The following LTBP1 variants were observed in gnomAD, a reference collection of about 807,000 sequenced individuals.
LTBP1 encodes latent transforming growth factor beta binding protein 1, also known as latent-transforming growth factor beta-binding protein 1.
A neutral mutation model predicts 207.6 loss-of-function variants in LTBP1; 129 were observed. The observed-to-expected ratio is 0.62, with a 90% CI of 0.54 to 0.72. The LOEUF is 0.72. LTBP1 is among the 30% of genes least tolerant of loss of function. LTBP1 has a pLI of 0.00. For missense variants in LTBP1, 2,281 were observed against 2,217.2 expected (o/e 1.03, Z -0.58); for synonymous variants, 963 against 833.7 (o/e 1.16, Z -2.67).
At chr2:33,283,497 C>T (rs962459949) in intron 19 of LTBP1, among the ~76,000 whole-genome samples, 5 of 133,246 alleles carry the variant, frequency 3.8e-5, no homozygotes, top group Admixed American at 8.9e-5. Context: ...AGTGGAGTGG[C>T]GCCATCTCAG....
intron 5 of LTBP1, among the ~76,000 whole-genome samples, chr2:33,145,784 G>A (rs1182941957): frequency 6.6e-6 from 1 of 152,090 alleles, no homozygotes; most frequent in Non-Finnish European, 1.5e-5. Context: ...GTAAATAGAT[G>A]AATAAGTATT....
Position 32,947,585 on chromosome 2 carries a change from G to T in LTBP1, c.261G>T (p.Thr87=), listed in dbSNP as rs1676376255. The T allele has an allele frequency of 6.8e-6, 9 of 1,316,084 alleles. No individual in the cohort carries two copies. The highest frequency in any genetic ancestry group is 1.6e-5 in the African/African-American group (1 of 64,186). The allele number at this position is 1,316,084 out of a possible 1,614,324, so 81.5% of individuals were successfully genotyped here. A position where few individuals can be genotyped will look rare whatever the true frequency, so the allele number is the denominator to read the frequency against. Residue 87 remains threonine (T), a synonymous_variant, in exon 1 of 34, where the codon ACG becomes ACT. Coordinates refer to ENST00000404816, the MANE Select transcript of LTBP1 (RefSeq NM_206943.4). ...PGVPSERTRR[T]SKPGGAALQG... ...TCCCCTCGGAGAGGACCCGGCGCAC[G>T]AGCAAGCCGGGCGGCGCGGCCCTGC...
chr2:33,300,525 A>G lies in LTBP1; in HGVS notation c.3310A>G (p.Thr1104Ala), dbSNP rs74990388. 6.2e-7 allele frequency: 1 copy of G among 1,613,776 alleles called. No individual in the cohort carries two copies. Among genetic ancestry groups the G allele is most frequent in the East Asian group, 2.2e-5 (1 of 44,862 alleles). The change falls in exon 21 of 34, where the codon ACC becomes GCC. Residue 1104 changes from threonine (T) to alanine (A), a missense_variant. Physicochemically the swap from Thr to Ala is moderately conservative, Grantham distance 58 (BLOSUM62 0). This residue lies in a region of LTBP1 where 1,671 missense variants were observed against 1,634.8 expected (regional missense o/e 1.02). Transcript: ENST00000404816. ...CKNTEGSFRC[T>A]CGQGYQLSAA... ...AAATACCGAGGGCTCCTTCAGGTGC[A>G]CCTGTGGACAGGGGTACCAGCTGTC...
At chr2:33,248,521 A>G (rs929257379) in intron 10 of LTBP1, among the ~76,000 whole-genome samples, 6 of 152,010 alleles carry the variant, frequency 3.9e-5, no homozygotes, top group South Asian at 2.1e-4. Context: ...CTGCCACACT[A>G]TAGAATAGGT....
intron 3 of LTBP1, among the ~76,000 whole-genome samples, chr2:33,084,677 C>T (rs1446508719): frequency 6.6e-6 from 1 of 152,220 alleles, no homozygotes; most frequent in Admixed American, 6.5e-5. Context: ...ATAAAAAACT[C>T]CTGTGCGCAA....
chr2:33,130,625 T>G (rs2081725706), intron 4 of LTBP1, among the ~76,000 whole-genome samples: 1 of 152,142 alleles, frequency 6.6e-6, no homozygotes, highest in Admixed American at 6.5e-5. Context: ...TTCACTTCCA[T>G]CCCATTCACC....
intron 24 of LTBP1, among the ~76,000 whole-genome samples, chr2:33,334,285 A>G (rs2094530099): frequency 6.6e-6 from 1 of 152,256 alleles, no homozygotes; most frequent in African/African-American, 2.4e-5. Flanking sequence ...CACATGGACA[A>G]GCGCAGACAG....
At chr2:33,346,259 T>C (rs17012857) in intron 25 of LTBP1, among the ~76,000 whole-genome samples, 6,282 of 152,266 alleles carry the variant, frequency 0.041, 134 homozygotes, top group Non-Finnish European at 0.053. Flanking sequence ...CTGAATTCTA[T>C]TGATAATTAT....
At chr2:32,989,192 A>G (rs1684042197) in intron 2 of LTBP1, among the ~76,000 whole-genome samples, 1 of 152,254 alleles carries the variant, frequency 6.6e-6, no homozygotes, top group Non-Finnish European at 1.5e-5. Context: ...TGACTCAGAC[A>G]GATATAAAAT....
At chr2:32,962,955 C>A (rs940516707) in intron 2 of LTBP1, among the ~76,000 whole-genome samples, 1 of 152,248 alleles carries the variant, frequency 6.6e-6, no homozygotes, top group Non-Finnish European at 1.5e-5. Context: ...TAGCAGAACC[C>A]ATCTCCTCCT....
chr2:33,135,062 G>A (rs2082033541), intron 5 of LTBP1, 102 bp downstream of exon 5: 3 of 1,196,524 alleles, frequency 2.5e-6, no homozygotes, highest in South Asian at 1.6e-5. Flanking sequence ...TGCTTCAATG[G>A]GTGTCTGTCT....
rs1235763201 is a variant in LTBP1 at position 33,262,792 on chromosome 2, C to T, written c.2489C>T (p.Ser830Phe). Residue 830 changes from serine to phenylalanine, a missense_variant, in exon 14 of 34, where the codon TCC (serine) becomes TTC (phenylalanine). Coordinates refer to ENST00000404816, the MANE Select transcript of LTBP1 (RefSeq NM_206943.4). ...PGQPQLSPGI[S>F]TIHLHPQFPV... is the part of the protein sequence containing the mutation. ...CAACCCCAGCTGTCTCCAGGCATTT[C>T]CACTATTCATCTGCATCCACAGTTT... 6.2e-7 allele frequency: 1 copy of T among 1,606,496 alleles called. No individual in the cohort carries two copies.
At chr2:33,150,191 A>G (rs2083398117) in intron 5 of LTBP1, among the ~76,000 whole-genome samples, 4 of 152,200 alleles carry the variant, frequency 2.6e-5, no homozygotes, top group Admixed American at 2.6e-4. Flanking sequence ...ATAAAGTCAT[A>G]TAGCAGTCTT....
chr2:33,392,727 C>A (rs2095325607), intron 32 of LTBP1, among the ~76,000 whole-genome samples: 1 of 152,080 alleles, frequency 6.6e-6, no homozygotes, highest in Admixed American at 6.6e-5. Context: ...TCAAGTTTTA[C>A]TTTTTATGTT....
At position 33,329,398 on chromosome 2, in the gene LTBP1, AT is replaced by A. The variant is rs1228447900; in HGVS notation, c.3731-13436del. Among the ~76,000 whole-genome samples the A allele has an allele frequency of 3.9e-3, 587 of 152,332 alleles. 8 individuals carry two copies. The highest frequency in any genetic ancestry group is 0.013 in the African/African-American group (561 of 41,596). On this transcript the variant is annotated intron_variant, in intron 24 of 33. Coordinates refer to ENST00000404816, the MANE Select transcript of LTBP1 (RefSeq NM_206943.4). Reference sequence around the variant, plus strand: ...AACTTCAGGTGAACTCAAGTTGTTAATTTTAATGAAGTCCAGTGTTTTAATT... The same window carrying A: ...AACTTCAGGTGAACTCAAGTTGTTAATTTAATGAAGTCCAGTGTTTTAATT...
At chr2:33,059,295 A>G (rs1193278818) in intron 3 of LTBP1, among the ~76,000 whole-genome samples, 1 of 152,216 alleles carries the variant, frequency 6.6e-6, no homozygotes, top group Non-Finnish European at 1.5e-5. Flanking sequence ...ATTAGTTTTA[A>G]TGTACTTGGG....
At chr2:33,122,193 T>G (rs1385891227) in intron 4 of LTBP1, among the ~76,000 whole-genome samples, 2 of 152,140 alleles carry the variant, frequency 1.3e-5, no homozygotes, top group Non-Finnish European at 2.9e-5. Flanking sequence ...AGGAATTGCG[T>G]ATTTCCTCTC....
intron 2 of LTBP1, among the ~76,000 whole-genome samples, chr2:32,972,751 T>C (rs1343143533): frequency 1.3e-5 from 2 of 152,162 alleles, no homozygotes; most frequent in African/African-American, 4.8e-5. Flanking sequence ...AAGTGGCAGT[T>C]TCCCCTGCAC....
chr2:33,116,947 A>C (rs2080782387), intron 4 of LTBP1, among the ~76,000 whole-genome samples: 1 of 152,232 alleles, frequency 6.6e-6, no homozygotes, highest in Non-Finnish European at 1.5e-5. Context: ...TCCCACCTGC[A>C]GTGGCACCAC....
Sources: gnomAD v4.1 joint callset for allele counts (sites outside exome capture counted in the v4.1 genomes callset) on GRCh38, gnomAD v4.1.1 for gene constraint, gnomAD v4.1.1 regional missense constraint, MANE v1.5 for transcripts, NCBI Gene and HGNC (gene_info 2026-07-23, HGNC 2026-07-21) for gene names.